Variants in STRAP observed in about 807,000 individuals in gnomAD.
STRAP encodes the protein serine-threonine kinase receptor-associated protein.
A neutral mutation model predicts 47.0 loss-of-function variants in STRAP; 16 were observed. The observed-to-expected ratio is 0.34, with a 90% confidence interval of 0.23 to 0.52. The LOEUF (loss-of-function observed/expected upper bound fraction) is 0.52, where lower values mean the gene tolerates loss of function less well. Ranked by LOEUF, STRAP falls within the 20% of genes least tolerant of loss-of-function variation. The pLI is 0.96. For synonymous variants in STRAP, 130 were observed against 142.7 expected (o/e 0.91, Z 0.63); for missense variants, 293 against 420.0 (o/e 0.70, Z 2.64).
rs1482751125 is a variant in STRAP, at chr12:15,896,145, A to G, written c.638+649A>G. On this transcript the variant is annotated intron_variant, in intron 6 of 9. Coordinates refer to ENST00000419869, the MANE Select transcript of STRAP (RefSeq NM_007178.4). The surrounding 1 kb of genome is among the most constrained non-coding windows in gnomAD (Gnocchi z 4.1). ...GCTACTTGGGAGGCTGAGGCAGGAG[A>G]ATTGCTTAATCCCAGGAGGTGGAGG... Among the ~76,000 whole-genome samples, 1 of 151,996 alleles carries G rather than the reference A, an allele frequency of 6.6e-6. No individual in the cohort carries two copies. The highest frequency in any genetic ancestry group is 1.5e-5 in the Non-Finnish European group (1 of 67,996).
intron 7 of STRAP, among the ~76,000 whole-genome samples, chr12:15,899,117 C>A (rs1453958602): frequency 6.6e-6 from 1 of 152,088 alleles, no homozygotes; most frequent in African/African-American, 2.4e-5. Context: ...ATTATTTGCC[C>A]AAGATCTGAA....
At chr12:15,898,386 T>G (rs74063290) in intron 7 of STRAP, 3,330 of 162,510 alleles carry the variant, frequency 0.02, 121 homozygotes, top group African/African-American at 0.076. Context: ...TGAACTATGT[T>G]GTGGGTGTAT....
At chr12:15,888,291 T>C (rs1231101909) in intron 2 of STRAP, among the ~76,000 whole-genome samples, 4 of 152,146 alleles carry the variant, frequency 2.6e-5, no homozygotes, top group African/African-American at 4.8e-5. Context: ...CGTAAGTTAT[T>C]TGAGGAGTGG....
In STRAP at chr12:15,899,965, C is replaced by T. The variant is rs368728573; in HGVS notation, c.837C>T (p.Leu279=). The T allele has an allele frequency of 2.2e-5, 36 of 1,613,578 alleles. No individual in the cohort carries two copies. Among genetic ancestry groups the T allele is most frequent in the Non-Finnish European group, 2.8e-5 (33 of 1,179,802 alleles). ...HCVRFSPDGE[L]YASGSEDGTL... ...TGAGATTTAGTCCTGATGGAGAACTCTATGCCAGTGGTTCAGAAGATGGAA... is the reference window on the plus strand; with the variant it reads ...TGAGATTTAGTCCTGATGGAGAACTTTATGCCAGTGGTTCAGAAGATGGAA... The change falls in exon 8 of 10, where the codon CTC becomes CTT. Residue 279 remains leucine (L), a synonymous_variant. Transcript: ENST00000419869.
At chr12:15,884,183 C>T (rs1028209340) in intron 2 of STRAP, among the ~76,000 whole-genome samples, 5 of 152,158 alleles carry the variant, frequency 3.3e-5, no homozygotes, top group African/African-American at 1.2e-4. Context: ...TTGATTTTCC[C>T]TTATATCTAG....
chr12:15,890,740 A>T lies in STRAP; in HGVS notation c.403+71A>T, dbSNP rs535467819. On this transcript the variant is annotated intron_variant, in intron 4 of 9. Transcript: ENST00000419869. This position sits in a 1 kb window ranked among gnomAD's most constrained non-coding sequence, Gnocchi z 4.5. ...TTTAAATAACTGATTAAAGAATTTC[A>T]TGCTCAGTACTCAAATTTGGAAAAT... 1,560 of 1,345,000 alleles carry T rather than the reference A, an allele frequency of 1.2e-3. 4 individuals are homozygous for T. The highest frequency in any genetic ancestry group is 5.4e-3 in the Middle Eastern group (22 of 4,094). 83.3% of individuals were successfully genotyped at this position (1,345,000 alleles called of 1,614,324 possible).
At position 15,889,970 on chromosome 12, in the gene STRAP, G is replaced by T; in HGVS notation, c.291G>T (p.Leu97=). 6.2e-7 allele frequency: 1 copy of T among 1,613,656 alleles called. No individual in the cohort carries two copies. Among genetic ancestry groups the T allele is most frequent in the Non-Finnish European group, 8.5e-7 (1 of 1,179,814 alleles). ...TCTCAGGAGATGAATTGATGACCCT[G>T]GCTCATAAACACATTGTCAAGACTG... is the stretch of plus-strand genomic sequence containing the variant. ...DAVSGDELMT[L]AHKHIVKTVD... The change falls in exon 3 of 10, where the codon CTG becomes CTT. Residue 97 remains leucine, a synonymous_variant. Coordinates refer to ENST00000419869, the MANE Select transcript of STRAP (RefSeq NM_007178.4).
chr12:15,891,433 A>G (rs533710158), intron 4 of STRAP, among the ~76,000 whole-genome samples: 2 of 152,346 alleles, frequency 1.3e-5, no homozygotes, highest in East Asian at 1.9e-4. Context: ...TAAATAGTCT[A>G]TGAACTGTTT....
intron 1 of STRAP, 31 bp downstream of exon 1, chr12:15,882,850 G>A: frequency 6.3e-7 from 1 of 1,588,566 alleles, no homozygotes. Flanking sequence ...GGTCCTCGAC[G>A]GCTGGGACTG....
chr12:15,893,108 C>T (rs1284657755), intron 4 of STRAP, among the ~76,000 whole-genome samples: 2 of 152,098 alleles, frequency 1.3e-5, no homozygotes, highest in Non-Finnish European at 2.9e-5. Context: ...TGCTTTTGCC[C>T]CTAGAGACAG....
chr12:15,891,234 A>G (rs1393390351), intron 4 of STRAP, among the ~76,000 whole-genome samples: 1 of 152,200 alleles, frequency 6.6e-6, no homozygotes, highest in Admixed American at 6.5e-5. Flanking sequence ...AATTTTTATC[A>G]TTAAGTTTTA....
chr12:15,896,449 A>G lies in STRAP; in HGVS notation c.638+953A>G, dbSNP rs968481406. Among the ~76,000 whole-genome samples the G allele has an allele frequency of 1.3e-5, 2 of 152,160 alleles. No homozygotes were observed. The highest frequency in any genetic ancestry group is 2.9e-5 in the Non-Finnish European group (2 of 68,024). On this transcript the variant is annotated intron_variant, in intron 6 of 9. Coordinates refer to ENST00000419869, the MANE Select transcript of STRAP (RefSeq NM_007178.4). The surrounding 1 kb of genome is among the most constrained non-coding windows in gnomAD (Gnocchi z 4.1). ...CATAATTGAAAAAAATGTACCCACA[A>G]TATTATACCCATAGGTGCAAGAGTG...
intron 4 of STRAP, among the ~76,000 whole-genome samples, chr12:15,893,633 TATTATACA>T: frequency 6.8e-6 from 1 of 147,980 alleles, no homozygotes; most frequent in Non-Finnish European, 1.5e-5. Flanking sequence ...AAATATTGTA[TATTATACA>T]ATAATGCTTT....
intron 1 of STRAP, 72 bp from the exon 2 acceptor site, chr12:15,883,469 T>C: frequency 5.4e-6 from 8 of 1,493,826 alleles, no homozygotes; most frequent in Non-Finnish European, 6.3e-6. Context: ...CATCATTGTA[T>C]ATTTACATTT....
chr12:15,890,487 C>T lies in STRAP; in HGVS notation c.331-110C>T. On this transcript the variant is annotated intron_variant, in intron 3 of 9. Transcript: ENST00000419869. The surrounding 1 kb of genome is among the most constrained non-coding windows in gnomAD (Gnocchi z 4.5). ...GAAGTAATTGGTTATGTCTTGGCAT[C>T]TCTTTGTGATGTCTGTGAGCTAGAT... is the stretch of plus-strand genomic sequence containing the variant. 1.1e-6 allele frequency: 1 copy of T among 890,256 alleles called. No homozygotes were observed. The allele number at this position is 890,256 out of a possible 1,614,324, so 55.1% of individuals were successfully genotyped here.
Position 15,902,877 on chromosome 12 carries a change from T to C in STRAP, c.992-40T>C, listed in dbSNP as rs1204122682. The C allele has an allele frequency of 5.4e-6, 8 of 1,488,666 alleles. No homozygotes were observed. The South Asian group carries it at 7.8e-5, about 14-fold the overall frequency. 92.2% of individuals were successfully genotyped at this position (1,488,666 alleles called of 1,614,324 possible). ...TGCTTCTTTCTTTCATTAAGTTGACTAATGTGACTTTTTTTTTTTTTTTTT... is the reference window on the plus strand; with the variant it reads ...TGCTTCTTTCTTTCATTAAGTTGACCAATGTGACTTTTTTTTTTTTTTTTT... On this transcript the variant is annotated intron_variant, in intron 9 of 9. Transcript: ENST00000419869.
Position 15,882,812 on chromosome 12 carries a change from T to A in STRAP, c.105T>A (p.Ala35=), listed in dbSNP as rs745793078. The A allele has an allele frequency of 1.7e-5, 28 of 1,612,950 alleles. No individual in the cohort carries two copies. Among genetic ancestry groups the A allele is most frequent in the South Asian group, 1.3e-4 (12 of 90,722 alleles). Residue 35 remains alanine (A), a synonymous_variant, in exon 1 of 10, where the codon GCT becomes GCA. Transcript: ENST00000419869. ...CTTATGGGTATTTCTTAATCAGCGC[T>A]TGCAAAGGTGAGCAAGGCCGCAATC... is the stretch of plus-strand genomic sequence containing the variant. ...ITPYGYFLIS[A]CKDGKPMLRQ... is the part of the protein sequence containing the mutation.
chr12:15,891,151 T>A (rs1488112180), intron 4 of STRAP, among the ~76,000 whole-genome samples: 3 of 152,154 alleles, frequency 2.0e-5, no homozygotes, highest in Non-Finnish European at 2.9e-5. Context: ...TTCTGCACAG[T>A]TTTTAAAAAA....
In STRAP at chr12:15,890,912, T is replaced by C. The variant is rs1445304131; in HGVS notation, c.403+243T>C. On this transcript the variant is annotated intron_variant, in intron 4 of 9. Transcript: ENST00000419869. This position sits in a 1 kb window ranked among gnomAD's most constrained non-coding sequence, Gnocchi z 4.5. ...CCGTCTCTATTAAAAATAGAAAAAT[T>C]AGCCAGGCATGGTGGCAGGCGCTTG... Among the ~76,000 whole-genome samples the C allele has an allele frequency of 6.6e-6, 1 of 151,978 alleles. No homozygotes were observed. Among genetic ancestry groups the C allele is most frequent in the Non-Finnish European group, 1.5e-5 (1 of 67,988 alleles).
Sources: allele counts gnomAD v4.1 joint callset (sites outside exome capture counted in the v4.1 genomes callset), GRCh38; gene constraint gnomAD v4.1.1; non-coding constraint Gnocchi (gnomAD v3.1); transcripts MANE v1.5; gene names NCBI Gene and HGNC (gene_info 2026-07-23, HGNC 2026-07-21).